Variants in PRKCB observed in about 807,000 individuals in gnomAD.
PRKCB encodes protein kinase C beta.
A neutral mutation model predicts 81.5 loss-of-function variants in PRKCB; 13 were observed. That is an observed-to-expected ratio of 0.16 (90% CI 0.10 to 0.25). The LOEUF is 0.25. Ranked by LOEUF, PRKCB falls within the 10% of genes least tolerant of loss-of-function variation. The pLI is 1.00. For synonymous variants in PRKCB, 335 were observed against 321.4 expected, an observed-to-expected ratio of 1.04 and a Z score of -0.45; for missense variants, 509 against 875.7, an observed-to-expected ratio of 0.58 and a Z score of 5.29.
Position 24,035,511 on chromosome 16 carries a change from C to G in PRKCB, c.493C>G (p.Gln165Glu), listed in dbSNP as rs199648786. Residue 165 changes from glutamine to glutamate, a missense_variant, in exon 5 of 17, where the codon CAG becomes GAG. By Grantham distance (29) the Gln-to-Glu change is conservative. Transcript: ENST00000643927. ...HTERRGRIYI[Q>E]AHIDRDVLIV... Reference sequence around the variant, plus strand: ...GGAGCGCCGCGGCCGCATCTACATCCAGGCCCACATCGACAGGGACGTCCT... The same window carrying G: ...GGAGCGCCGCGGCCGCATCTACATCGAGGCCCACATCGACAGGGACGTCCT... 4.6e-4 allele frequency: 741 copies of G among 1,614,148 alleles called. No homozygotes were observed. Among genetic ancestry groups the G allele is most frequent in the Non-Finnish European group, 5.6e-4 (660 of 1,180,006 alleles).
chr16:23,865,622 TG>T (rs1318041222), intron 2 of PRKCB, among the ~76,000 whole-genome samples: 7 of 147,580 alleles, frequency 4.7e-5, no homozygotes, highest in African/African-American at 1.8e-4. Context: ...TTTGTAGAAA[TG>T]GGGTTTTGCC....
At chr16:24,042,739 C>A (rs1353974816) in intron 5 of PRKCB, among the ~76,000 whole-genome samples, 1 of 109,268 alleles carries the variant, frequency 9.2e-6, no homozygotes, top group Non-Finnish European at 1.8e-5. Context: ...ATGATACATA[C>A]AAAATTTTTT....
In PRKCB at chr16:23,836,382, C is replaced by T. The variant is rs753030366; in HGVS notation, c.173+34C>T. The T allele has an allele frequency of 7.5e-6, 12 of 1,590,332 alleles. No homozygotes were observed. The South Asian group carries it at 8.9e-5, about 12-fold the overall frequency. Reference sequence around the variant, plus strand: ...GCGCGCGCAGGGCACCTTCCCGGGCCCCCGAGGGCAGCGCCGCGCCAGGGA... The same window carrying T: ...GCGCGCGCAGGGCACCTTCCCGGGCTCCCGAGGGCAGCGCCGCGCCAGGGA... On this transcript the variant is annotated intron_variant, in intron 1 of 16. Transcript: ENST00000643927.
intron 2 of PRKCB, among the ~76,000 whole-genome samples, chr16:23,926,077 C>A (rs951318781): frequency 6.6e-6 from 1 of 151,896 alleles, no homozygotes; most frequent in Non-Finnish European, 1.5e-5. Flanking sequence ...GAGTTTGAAA[C>A]CAGCCTGAGC....
intron 2 of PRKCB, among the ~76,000 whole-genome samples, chr16:23,901,919 T>G (rs1963480523): frequency 6.6e-6 from 1 of 152,022 alleles, no homozygotes; most frequent in Non-Finnish European, 1.5e-5. Flanking sequence ...TGTGGCTGAG[T>G]GTGTGTGCCT....
intron 7 of PRKCB, among the ~76,000 whole-genome samples, chr16:24,101,963 T>G (rs964766659): frequency 1.3e-5 from 2 of 152,182 alleles, no homozygotes; most frequent in Middle Eastern, 3.2e-3. Flanking sequence ...TTCAGCAGTG[T>G]GTTAGGGATA....
intron 5 of PRKCB, among the ~76,000 whole-genome samples, chr16:24,036,634 A>C (rs1038589395): frequency 3.9e-5 from 6 of 152,146 alleles, no homozygotes; most frequent in African/African-American, 1.2e-4. Context: ...ATCCCTGTAC[A>C]ATATAATTCT....
At chr16:24,086,227 G>C (rs1966308823) in intron 5 of PRKCB, among the ~76,000 whole-genome samples, 1 of 152,170 alleles carries the variant, frequency 6.6e-6, no homozygotes, top group South Asian at 2.1e-4. Flanking sequence ...AATCTAGATT[G>C]TAGAGCAAAG....
chr16:23,992,273 A>G (rs1964895964), intron 3 of PRKCB, among the ~76,000 whole-genome samples: 1 of 152,224 alleles, frequency 6.6e-6, no homozygotes, highest in Middle Eastern at 3.2e-3. Context: ...TTTGGTACTA[A>G]CAGTGTATAG....
intron 2 of PRKCB, among the ~76,000 whole-genome samples, chr16:23,936,694 G>A (rs779573888): frequency 6.6e-5 from 10 of 150,602 alleles, no homozygotes; most frequent in Non-Finnish European, 1.3e-4. Flanking sequence ...CAAAATGCTG[G>A]GATTACAGAT....
rs199984593 is a variant in PRKCB, at chr16:24,108,333, AT to A, written c.822-4631del. On this transcript the variant is annotated intron_variant, in intron 7 of 16. Coordinates refer to ENST00000643927, the MANE Select transcript of PRKCB (RefSeq NM_002738.7). ...TGATTGACTTTTTATTTTTTATTTT[AT>A]TTTTTTTTAAATTTATTTATTTATT... is the stretch of plus-strand genomic sequence containing the variant. Among the ~76,000 whole-genome samples the A allele has an allele frequency of 1.2e-3, 163 of 134,980 alleles. No homozygotes were observed. The Middle Eastern group carries it at 0.022, about 18-fold the overall frequency. The allele number at this position is 134,980 out of a possible 152,430, so 88.6% of individuals were successfully genotyped here. A position where few individuals can be genotyped will look rare whatever the true frequency, so the allele number is the denominator to read the frequency against.
rs1967837740 is a variant in PRKCB, at chr16:24,193,935, G to A, written c.1863+2705G>A. Among the ~76,000 whole-genome samples, 3 of 152,216 alleles carry A rather than the reference G, an allele frequency of 2.0e-5. No individual in the cohort carries two copies. In the South Asian group the frequency reaches 6.2e-4, roughly 32 times the overall value. On this transcript the variant is annotated intron_variant, in intron 16 of 16. Coordinates refer to ENST00000643927, the MANE Select transcript of PRKCB (RefSeq NM_002738.7). ...GCTGTGGGATGCAGCAGACCTGTGAGTTGATTGACAGATCCTGTTACAGTC... is the reference window on the plus strand; with the variant it reads ...GCTGTGGGATGCAGCAGACCTGTGAATTGATTGACAGATCCTGTTACAGTC...
At chr16:23,880,478 C>A (rs1963089097) in intron 2 of PRKCB, among the ~76,000 whole-genome samples, 1 of 152,034 alleles carries the variant, frequency 6.6e-6, no homozygotes, top group East Asian at 1.9e-4. Context: ...ATTTTCTCTG[C>A]CCTGGTTTGA....
chr16:23,995,527 C>T lies in PRKCB; in HGVS notation c.288+6937C>T, dbSNP rs181985281. Among the ~76,000 whole-genome samples the T allele has an allele frequency of 1.3e-3, 201 of 152,252 alleles. 1 individual carries two copies. Among genetic ancestry groups the T allele is most frequent in the African/African-American group, 4.3e-3 (179 of 41,540 alleles). ...TAAGAGACAGCTCTTGGCCTGCTACCGGGCCTTCGTGGAAACTGACGATTT... is the reference window on the plus strand; with the variant it reads ...TAAGAGACAGCTCTTGGCCTGCTACTGGGCCTTCGTGGAAACTGACGATTT... On this transcript the variant is annotated intron_variant, in intron 3 of 16. Coordinates refer to ENST00000643927, the MANE Select transcript of PRKCB (RefSeq NM_002738.7).
chr16:24,127,528 G>A (rs1450410241), intron 9 of PRKCB, among the ~76,000 whole-genome samples: 1 of 151,692 alleles, frequency 6.6e-6, no homozygotes, highest in Non-Finnish European at 1.5e-5. Flanking sequence ...TAACTCAAAA[G>A]TTCATGTACT....
chr16:24,051,329 G>A (rs1475703044), intron 5 of PRKCB, among the ~76,000 whole-genome samples: 3 of 152,206 alleles, frequency 2.0e-5, no homozygotes, highest in African/African-American at 4.8e-5. Context: ...GACTCTGGGT[G>A]TAGAGGCTGT....
In PRKCB at chr16:24,217,479, C is replaced by T. The variant is rs551260838; in HGVS notation, c.*2663C>T. The T allele has an allele frequency of 1.0e-6, 1 of 985,462 alleles. No individual in the cohort carries two copies. The highest frequency in any genetic ancestry group is 1.7e-5 in the African/African-American group (1 of 57,376). The allele number at this position is 985,462 out of a possible 1,614,324, so 61.0% of individuals were successfully genotyped here. A position where few individuals can be genotyped will look rare whatever the true frequency, so the allele number is the denominator to read the frequency against. ...CCTTGGATGAGTGCTACTGTTTTCA[C>T]ATGGCTTCAGATGCTATCAACCTCA... On this transcript the variant is annotated 3_prime_UTR_variant, in exon 17 of 17. Coordinates refer to ENST00000643927, the MANE Select transcript of PRKCB (RefSeq NM_002738.7).
Position 23,950,135 on chromosome 16 carries a change from T to G in PRKCB, c.206-38373T>G, listed in dbSNP as rs1450756520. Among the ~76,000 whole-genome samples the G allele has an allele frequency of 9.1e-4, 122 of 134,186 alleles. 14 individuals carry two copies. Among genetic ancestry groups the G allele is most frequent in the African/African-American group, 3.5e-3 (115 of 32,512 alleles). 88.0% of individuals were successfully genotyped at this position (134,186 alleles called of 152,430 possible). On this transcript the variant is annotated intron_variant, in intron 2 of 16. Coordinates refer to ENST00000643927, the MANE Select transcript of PRKCB (RefSeq NM_002738.7). ...AGCATTGGCCCCTATGATTTGAATT[T>G]TTTTTTTTTTTTTTTTTTTTTTTCT...
At chr16:23,962,855 A>G (rs149041611) in intron 2 of PRKCB, 1 of 152,250 alleles carries the variant, frequency 6.6e-6, no homozygotes, top group African/African-American at 2.4e-5. Flanking sequence ...TCACTGTAAC[A>G]GTATATGTGG....
Sources: gnomAD v4.1 joint callset for allele counts (sites outside exome capture counted in the v4.1 genomes callset) on GRCh38, gnomAD v4.1.1 for gene constraint, MANE v1.5 for transcripts, NCBI Gene and HGNC (gene_info 2026-07-23, HGNC 2026-07-21) for gene names.